Variants in CDC42BPA observed in about 807,000 individuals in gnomAD.
The protein encoded by CDC42BPA is serine/threonine-protein kinase MRCK alpha.
A neutral mutation model predicts 223.5 loss-of-function variants in CDC42BPA; 80 were observed. That is an observed-to-expected ratio of 0.36 (90% confidence interval 0.30 to 0.43). The LOEUF is 0.43. Ranked by LOEUF, CDC42BPA falls within the 20% of genes least tolerant of loss-of-function variation. CDC42BPA has a pLI of 1.00. For synonymous variants in CDC42BPA, 694 were observed against 718.6 expected (o/e 0.97, Z 0.55); for missense variants, 1,743 against 2,099.9 (o/e 0.83, Z 3.32).
intron 27 of CDC42BPA, 97 bp downstream of exon 27, chr1:227,033,237 G>A (rs1669639071): frequency 5.6e-6 from 4 of 715,948 alleles, no homozygotes; most frequent in Non-Finnish European, 9.7e-6. Context: ...ATAAGATTTG[G>A]TTTTACTTAT....
intron 1 of CDC42BPA, among the ~76,000 whole-genome samples, chr1:227,310,694 T>G (rs1055148415): frequency 1.9e-4 from 13 of 69,450 alleles, no homozygotes; most frequent in Non-Finnish European, 3.3e-4. Flanking sequence ...TTGTTTTTTG[T>G]TTTTTTTTTT....
intron 5 of CDC42BPA, among the ~76,000 whole-genome samples, chr1:227,179,635 C>CAGAAA (rs1667580522): frequency 2.9e-5 from 1 of 34,242 alleles, no homozygotes; most frequent in African/African-American, 1.1e-4. Context: ...GCCTCCATCT[C>CAGAAA]AAAAAAAAAA....
intron 1 of CDC42BPA, among the ~76,000 whole-genome samples, chr1:227,265,702 G>C (rs1158223110): frequency 6.6e-6 from 1 of 151,498 alleles, no homozygotes; most frequent in Non-Finnish European, 1.5e-5. Context: ...ATTTGAACTT[G>C]GGTATATTAT....
At chr1:227,133,334 G>A (rs1215593919) in intron 10 of CDC42BPA, among the ~76,000 whole-genome samples, 1 of 151,624 alleles carries the variant, frequency 6.6e-6, no homozygotes, top group Non-Finnish European at 1.5e-5. Context: ...AGTCCGGGAG[G>A]AGGTGGGGGC....
Position 227,317,718 on chromosome 1 carries a change from C to G in CDC42BPA, c.-536G>C. 5.0e-6 allele frequency: 2 copies of G among 398,532 alleles called. No homozygotes were observed. The highest frequency in any genetic ancestry group is 4.4e-6 in the Non-Finnish European group (1 of 226,104). The allele number at this position is 398,532 out of a possible 1,614,324, so 24.7% of individuals were successfully genotyped here. A position where few individuals can be genotyped will look rare whatever the true frequency, so the allele number is the denominator to read the frequency against. On this transcript the variant is annotated 5_prime_UTR_variant, in exon 1 of 37. Coordinates refer to ENST00000366766, the MANE Select transcript of CDC42BPA (RefSeq NM_001394014.1). The stretch of plus-strand genomic sequence containing the variant: ...AACCAAAAATGTTGCTGCAAATCCT[C>G]CCAACCACCACTTGGATAATGCATC...
chr1:227,197,137 C>T (rs1026117106), intron 4 of CDC42BPA, among the ~76,000 whole-genome samples: 33 of 152,084 alleles, frequency 2.2e-4, no homozygotes, highest in African/African-American at 7.7e-4. Flanking sequence ...TTTCTAGAAC[C>T]ATATAGCATT....
chr1:227,229,420 T>C (rs890900143), intron 2 of CDC42BPA, among the ~76,000 whole-genome samples: 2 of 152,228 alleles, frequency 1.3e-5, no homozygotes, highest in African/African-American at 4.8e-5. Flanking sequence ...TGCTTTGTAG[T>C]AAGTTTTGAA....
In CDC42BPA at chr1:227,168,497, G is replaced by GTTTTTTTTTGTTTGTTTTTTGTT. The variant is rs1553374262; in HGVS notation, c.600-7862_600-7861insAACAAAAAACAAACAAAAAAAAA. 1.0e-4 allele frequency among the ~76,000 whole-genome samples: 8 copies of GTTTTTTTTTGTTTGTTTTTTGTT among 80,196 alleles called. 1 individual carries two copies. The highest frequency in any genetic ancestry group is 4.0e-4 in the African/African-American group (8 of 20,178). 52.6% of individuals were successfully genotyped at this position (80,196 alleles called of 152,430 possible). A position where few individuals can be genotyped will look rare whatever the true frequency, so the allele number is the denominator to read the frequency against. On this transcript the variant is annotated intron_variant, in intron 5 of 36. Coordinates refer to ENST00000366766, the MANE Select transcript of CDC42BPA (RefSeq NM_001394014.1). ...CTTTTTCATATTTATCTTCCCTGGT[G>GTTTTTTTTTGTTTGTTTTTTGTT]TTTTTTTTTTTTTTTTGAGGCAGAG...
chr1:227,164,516 AAAT>A (rs1205762830), intron 5 of CDC42BPA, among the ~76,000 whole-genome samples: 1 of 151,986 alleles, frequency 6.6e-6, no homozygotes, highest in African/African-American at 2.4e-5. Context: ...AAAAAATATT[AAAT>A]CTTAGGCATT....
chr1:227,268,362 G>T (rs1470839836), intron 1 of CDC42BPA, among the ~76,000 whole-genome samples: 1 of 151,934 alleles, frequency 6.6e-6, no homozygotes, highest in Non-Finnish European at 1.5e-5. Flanking sequence ...TTCTGTTTTA[G>T]TCGGTTTCTT....
chr1:227,021,863 C>CA (rs1352854721), intron 32 of CDC42BPA, among the ~76,000 whole-genome samples: 1 of 151,156 alleles, frequency 6.6e-6, no homozygotes, highest in Admixed American at 6.6e-5. Flanking sequence ...ACTAAAAATA[C>CA]AAAAAAATTA....
chr1:227,073,589 A>C (rs12140758), intron 19 of CDC42BPA, among the ~76,000 whole-genome samples: 31,160 of 151,952 alleles, frequency 0.21, 3,294 homozygotes, highest in East Asian at 0.26. Context: ...AAAATTTGAG[A>C]GTCAACTAAA....
intron 1 of CDC42BPA, among the ~76,000 whole-genome samples, chr1:227,281,720 T>C (rs752524626): frequency 2.6e-5 from 4 of 152,088 alleles, no homozygotes; most frequent in African/African-American, 7.2e-5. Context: ...ACTCAGACAA[T>C]TAAGTTTTAA....
intron 21 of CDC42BPA, among the ~76,000 whole-genome samples, chr1:227,063,058 T>C (rs1386600132): frequency 1.3e-5 from 2 of 152,206 alleles, no homozygotes; most frequent in Non-Finnish European, 2.9e-5. Context: ...AATGATTTCT[T>C]ACCAAAGTGT....
At position 227,064,103 on chromosome 1, in the gene CDC42BPA, C is replaced by G. The variant is rs112236897; in HGVS notation, c.2904+5674G>C. 3.0e-3 allele frequency among the ~76,000 whole-genome samples: 452 copies of G among 152,216 alleles called. 2 individuals are homozygous for G. The highest frequency in any genetic ancestry group is 0.01 in the African/African-American group (417 of 41,542). Reference sequence around the variant, plus strand: ...ATATTAGGGGGACCAGACTGTTGGGCTATAGATACTATCTCTGTTTCTCTG... The same window carrying G: ...ATATTAGGGGGACCAGACTGTTGGGGTATAGATACTATCTCTGTTTCTCTG... On this transcript the variant is annotated intron_variant, in intron 21 of 36. Transcript: ENST00000366766.
chr1:227,174,692 A>C (rs1324669077), intron 5 of CDC42BPA, among the ~76,000 whole-genome samples: 1 of 152,250 alleles, frequency 6.6e-6, no homozygotes, highest in African/African-American at 2.4e-5. Context: ...AGATAAAAAG[A>C]GTTATGAAGA....
intron 5 of CDC42BPA, among the ~76,000 whole-genome samples, chr1:227,179,407 C>T (rs561143047): frequency 4.0e-5 from 6 of 151,534 alleles, no homozygotes; most frequent in South Asian, 2.1e-4. Flanking sequence ...GAGGCCGAGG[C>T]GGGCGGATCA....
At chr1:227,208,981 C>T (rs1463168839) in intron 3 of CDC42BPA, among the ~76,000 whole-genome samples, 1 of 151,882 alleles carries the variant, frequency 6.6e-6, no homozygotes, top group East Asian at 1.9e-4. Context: ...ATTCTTCCTA[C>T]CCATGAGCAT....
chr1:227,234,339 T>C (rs1324885062), intron 2 of CDC42BPA: 1 of 152,168 alleles, frequency 6.6e-6, no homozygotes, highest in African/African-American at 2.4e-5. Context: ...GTACAGTTTG[T>C]TAAGAAAATG....
Sources: gnomAD v4.1 joint callset for allele counts (sites outside exome capture counted in the v4.1 genomes callset) on GRCh38, gnomAD v4.1.1 for gene constraint, MANE v1.5 for transcripts, NCBI Gene and HGNC (gene_info 2026-07-23, HGNC 2026-07-21) for gene names.